Variants in RALYL observed in about 807,000 individuals in gnomAD.
The protein encoded by RALYL is RALY RNA binding protein like, also known as RNA-binding Raly-like protein.
RALYL carries 29 observed loss-of-function variants against 35.1 expected under a neutral mutation model. The observed-to-expected ratio is 0.83, with a 90% confidence interval of 0.61 to 1.13. The LOEUF (loss-of-function observed/expected upper bound fraction) is 1.13. RALYL is among the 50% of genes most tolerant of loss of function. RALYL has a pLI of 0.00. For missense variants in RALYL, 359 were observed against 360.4 expected (o/e 1.00, Z 0.03); for synonymous variants, 120 against 127.6 (o/e 0.94, Z 0.40).
intron 1 of RALYL, among the ~76,000 whole-genome samples, chr8:84,360,426 T>C (rs1461092408): frequency 6.6e-6 from 1 of 152,168 alleles, no homozygotes; most frequent in Non-Finnish European, 1.5e-5. Flanking sequence ...ATAAATGACA[T>C]TGAAGTGTTT....
intron 1 of RALYL, among the ~76,000 whole-genome samples, chr8:84,220,740 A>C (rs1822001534): frequency 6.6e-6 from 1 of 152,010 alleles, no homozygotes; most frequent in Non-Finnish European, 1.5e-5. Flanking sequence ...GTCAAACAAG[A>C]ACAATTTTTG....
At chr8:84,511,548 T>G (rs570519237) in intron 1 of RALYL, among the ~76,000 whole-genome samples, 6 of 152,330 alleles carry the variant, frequency 3.9e-5, no homozygotes, top group African/African-American at 1.2e-4. Flanking sequence ...AATTTGAGTT[T>G]GGAACATTTG....
chr8:84,494,399 C>T (rs1488058215), intron 1 of RALYL, among the ~76,000 whole-genome samples: 4 of 151,864 alleles, frequency 2.6e-5, no homozygotes, highest in Non-Finnish European at 5.9e-5. Flanking sequence ...TTTTTGGGTT[C>T]CATATGAATT....
intron 1 of RALYL, among the ~76,000 whole-genome samples, chr8:84,283,327 A>C (rs1836978824): frequency 6.6e-6 from 1 of 152,156 alleles, no homozygotes; most frequent in Non-Finnish European, 1.5e-5. Flanking sequence ...ATATGTTTGC[A>C]CATCCATGGA....
intron 2 of RALYL, among the ~76,000 whole-genome samples, chr8:84,610,457 T>C (rs894505642): frequency 1.3e-5 from 2 of 152,098 alleles, no homozygotes; most frequent in African/African-American, 4.8e-5. Context: ...GATACATATA[T>C]CCTTTATGTA....
intron 1 of RALYL, among the ~76,000 whole-genome samples, chr8:84,327,734 G>A (rs1391215074): frequency 1.3e-5 from 2 of 151,774 alleles, no homozygotes; most frequent in Non-Finnish European, 2.9e-5. Flanking sequence ...GTTCTTGGAA[G>A]CTTTAAAGCA....
intron 4 of RALYL, among the ~76,000 whole-genome samples, chr8:84,838,892 C>T (rs984592345): frequency 3.3e-5 from 5 of 152,128 alleles, no homozygotes; most frequent in East Asian, 3.8e-4. Flanking sequence ...ATGAGTGTGT[C>T]GTATTTTCTT....
chr8:84,487,113 C>T (rs2133975851), intron 1 of RALYL, among the ~76,000 whole-genome samples: 1 of 152,088 alleles, frequency 6.6e-6, no homozygotes, highest in Admixed American at 6.6e-5. Context: ...TCTGAATTAG[C>T]ATTCATATAG....
At chr8:84,563,322 A>G (rs1564151492) in intron 2 of RALYL, among the ~76,000 whole-genome samples, 2 of 151,854 alleles carry the variant, frequency 1.3e-5, no homozygotes, top group African/African-American at 4.8e-5. Flanking sequence ...CAAGAAAACA[A>G]TGCCATTAAG....
Position 84,657,322 on chromosome 8 carries a change from A to G in RALYL, c.257-117257A>G, listed in dbSNP as rs112008975. On this transcript the variant is annotated intron_variant, in intron 2 of 8. Transcript: ENST00000521268. Reference sequence around the variant, plus strand: ...TCAAATTAGTTTTCTTTTACTAAAAAACAAAGGAATGTGCTTTCAAGGTAA... The same window carrying G: ...TCAAATTAGTTTTCTTTTACTAAAAGACAAAGGAATGTGCTTTCAAGGTAA... 2.5e-3 allele frequency among the ~76,000 whole-genome samples: 387 copies of G among 152,340 alleles called. 1 individual carries two copies. The highest frequency in any genetic ancestry group is 8.6e-3 in the African/African-American group (358 of 41,588).
intron 2 of RALYL, among the ~76,000 whole-genome samples, chr8:84,570,268 A>G (rs1807615449): frequency 6.6e-6 from 1 of 151,580 alleles, no homozygotes; most frequent in Non-Finnish European, 1.5e-5. Flanking sequence ...TTTCATCAGT[A>G]TTTTTAGTTC....
intron 2 of RALYL, among the ~76,000 whole-genome samples, chr8:84,728,111 T>C (rs928126044): frequency 6.6e-6 from 1 of 151,536 alleles, no homozygotes; most frequent in Non-Finnish European, 1.5e-5. Flanking sequence ...GTGTTCCTAT[T>C]TCTCCACATC....
chr8:84,514,090 T>TAAAAAAAAAAAAAAAAAAAAAAA (rs57881021), intron 1 of RALYL, among the ~76,000 whole-genome samples: 4 of 41,172 alleles, frequency 9.7e-5, no homozygotes, highest in East Asian at 8.8e-4. Context: ...AGATTTCATC[T>TAAAAAAAAAAAAAAAAAAAAAAA]AAAAAAAAAA....
intron 1 of RALYL, among the ~76,000 whole-genome samples, chr8:84,224,166 A>G (rs1232629181): frequency 6.6e-6 from 1 of 152,168 alleles, no homozygotes; most frequent in Non-Finnish European, 1.5e-5. Flanking sequence ...TTTTGGGGCA[A>G]AATGGTCATA....
intron 1 of RALYL, chr8:84,185,297 C>T (rs997980359): frequency 6.1e-6 from 3 of 488,574 alleles, no homozygotes; most frequent in Non-Finnish European, 1.1e-5. Context: ...TCTTTTTAAC[C>T]ACCTGATACT....
rs187601135 is a variant in RALYL at position 84,660,798 on chromosome 8, A to G, written c.257-113781A>G. The stretch of plus-strand genomic sequence containing the variant: ...TATTGAGACTATTGAGACTTCATAT[A>G]GAACAAATTTTGAATATATTCCCAA... On this transcript the variant is annotated intron_variant, in intron 2 of 8. Transcript: ENST00000521268. Among the ~76,000 whole-genome samples, 3 of 152,276 alleles carry G rather than the reference A, an allele frequency of 2.0e-5. No individual in the cohort carries two copies. The East Asian group carries it at 5.8e-4, about 29-fold the overall frequency.
intron 1 of RALYL, among the ~76,000 whole-genome samples, chr8:84,249,140 G>A (rs923030674): frequency 6.6e-6 from 1 of 151,960 alleles, no homozygotes; most frequent in African/African-American, 2.4e-5. Flanking sequence ...TTAAAATATT[G>A]AAAAATACAA....
chr8:84,608,356 T>A (rs548372597), intron 2 of RALYL, among the ~76,000 whole-genome samples: 53 of 152,234 alleles, frequency 3.5e-4, no homozygotes, highest in African/African-American at 1.2e-3. Flanking sequence ...GGGATGGGAA[T>A]GGGAAGAAAG....
chr8:84,800,625 A>G (rs939252761), intron 3 of RALYL, among the ~76,000 whole-genome samples: 1 of 132,692 alleles, frequency 7.5e-6, no homozygotes, highest in African/African-American at 2.8e-5. Context: ...TTCACATGAA[A>G]AGTAAATCTT....
Sources: gnomAD v4.1 joint callset for allele counts (sites outside exome capture counted in the v4.1 genomes callset) on GRCh38, gnomAD v4.1.1 for gene constraint, MANE v1.5 for transcripts, NCBI Gene and HGNC (gene_info 2026-07-23, HGNC 2026-07-21) for gene names.